CENPH: variants seen among roughly 807,000 people sequenced by gnomAD.
The protein encoded by CENPH is CENP-H.
Under a neutral mutation model 42.9 loss-of-function variants are expected in CENPH, and 40 were observed. That is an observed-to-expected ratio of 0.93 (90% confidence interval 0.72 to 1.21). CENPH has a LOEUF of 1.21. Ranked by LOEUF, CENPH falls within the 50% of genes most tolerant of loss-of-function variation. CENPH has a pLI of 0.00. For synonymous variants in CENPH, 88 were observed against 96.5 expected (o/e 0.91, Z 0.52); for missense variants, 302 against 292.9 (o/e 1.03, Z -0.23).
rs375968623 is a variant in CENPH, at chr5:69,189,646, G to T, written c.12G>T (p.Gln4His). ...CCCCTCAACCAGCAATGGAGGAGCAGCCCCAGATGCAAGACGCCGACGAGC... is the reference window on the plus strand; with the variant it reads ...CCCCTCAACCAGCAATGGAGGAGCATCCCCAGATGCAAGACGCCGACGAGC... MEE[Q>H]PQMQDADEPA... Residue 4 changes from glutamine (Q) to histidine (H), a missense_variant, in exon 1 of 9, where the codon CAG (glutamine) becomes CAT (histidine). Physicochemically the swap from Gln to His is conservative, Grantham distance 24. Coordinates refer to ENST00000283006, the MANE Select transcript of CENPH (RefSeq NM_022909.4). 1.9e-6 allele frequency: 3 copies of T among 1,601,772 alleles called. No individual in the cohort carries two copies. Among genetic ancestry groups the T allele is most frequent in the East Asian group, 2.2e-5 (1 of 44,522 alleles).
intron 8 of CENPH, 37 bp from the exon 9 acceptor site, chr5:69,209,669 AG>A: frequency 1.0e-6 from 1 of 965,956 alleles, no homozygotes; most frequent in Non-Finnish European, 1.6e-6. Context: ...AAATTTTTAA[AG>A]TACTTGTAAC....
intron 8 of CENPH, among the ~76,000 whole-genome samples, chr5:69,209,025 T>C (rs947663402): frequency 2.0e-5 from 3 of 150,654 alleles, no homozygotes; most frequent in African/African-American, 4.9e-5. Flanking sequence ...CGAACTCCGA[T>C]GTCAGGTGAT....
chr5:69,191,961 C>T, intron 2 of CENPH, 111 bp downstream of exon 2: 1 of 600,558 alleles, frequency 1.7e-6, no homozygotes, highest in Non-Finnish European at 2.9e-6. Flanking sequence ...CTCTGGTTTA[C>T]TGCAGCCTCA....
rs147701359 is a variant in CENPH, at chr5:69,208,233, A to C, written c.525A>C (p.Ile175=). ...CTTCAGAAAGTAAGCTTTTAGAAAT[A>C]CAGACTGAAAAGAACAAACAGAAGA... ...KQASESKLLE[I]QTEKNKQKID... The change falls in exon 8 of 9, where the codon ATA becomes ATC. Residue 175 remains isoleucine, a synonymous_variant. Coordinates refer to ENST00000283006, the MANE Select transcript of CENPH (RefSeq NM_022909.4). 1.0e-5 allele frequency: 16 copies of C among 1,586,808 alleles called. No homozygotes were observed. In the Admixed American group the frequency reaches 1.4e-4, roughly 13 times the overall value.
At chr5:69,192,172 T>A (rs1000923316) in intron 2 of CENPH, among the ~76,000 whole-genome samples, 1 of 152,190 alleles carries the variant, frequency 6.6e-6, no homozygotes, top group African/African-American at 2.4e-5. Context: ...TACCAAAAAT[T>A]GTTTATATAT....
chr5:69,202,634 CTG>C, intron 6 of CENPH, 65 bp downstream of exon 6: 1 of 941,750 alleles, frequency 1.1e-6, no homozygotes, highest in Non-Finnish European at 1.7e-6. Flanking sequence ...TTGCTGGTAA[CTG>C]TATTGTATAT....
chr5:69,202,833 C>A, intron 6 of CENPH, 86 bp from the exon 7 acceptor site: 1 of 822,306 alleles, frequency 1.2e-6, no homozygotes, highest in Non-Finnish European at 2.0e-6. Context: ...ATAACTAAGG[C>A]TAGTAGATAA....
intron 5 of CENPH, among the ~76,000 whole-genome samples, chr5:69,200,088 G>A (rs1428763843): frequency 2.0e-5 from 3 of 148,934 alleles, no homozygotes; most frequent in Non-Finnish European, 4.4e-5. Flanking sequence ...ACTCCAGCCT[G>A]GGCAACAGAG....
At chr5:69,197,792 T>G (rs1747987722) in intron 5 of CENPH, among the ~76,000 whole-genome samples, 1 of 148,560 alleles carries the variant, frequency 6.7e-6, no homozygotes, top group Admixed American at 6.7e-5. Context: ...CCTTAAAACT[T>G]AAAGTATAAT....
intron 5 of CENPH, among the ~76,000 whole-genome samples, chr5:69,200,887 A>G (rs1748049774): frequency 1.3e-5 from 2 of 150,208 alleles, no homozygotes; most frequent in Non-Finnish European, 3.0e-5. Context: ...ACAGACACAC[A>G]CCATCACACC....
intron 2 of CENPH, among the ~76,000 whole-genome samples, chr5:69,194,247 C>G (rs1263523396): frequency 6.6e-6 from 1 of 152,076 alleles, no homozygotes; most frequent in Non-Finnish European, 1.5e-5. Flanking sequence ...CAACCCCAAC[C>G]TCGTGGGCTC....
Position 69,209,862 on chromosome 5 carries a change from C to T in CENPH, c.*63C>T. The T allele has an allele frequency of 1.1e-6, 1 of 924,600 alleles. No homozygotes were observed. The highest frequency in any genetic ancestry group is 2.4e-5 in the East Asian group (1 of 41,326). 57.3% of individuals were successfully genotyped at this position (924,600 alleles called of 1,614,324 possible). ...ATCTCAACTCTTATTTGGAATACTTCTGTGCATTTGTCTGTCCACCGTAAT... is the reference window on the plus strand; with the variant it reads ...ATCTCAACTCTTATTTGGAATACTTTTGTGCATTTGTCTGTCCACCGTAAT... On this transcript the variant is annotated 3_prime_UTR_variant, in exon 9 of 9. Transcript: ENST00000283006.
At chr5:69,203,610 C>G (rs1481032018) in intron 7 of CENPH, among the ~76,000 whole-genome samples, 2 of 152,034 alleles carry the variant, frequency 1.3e-5, no homozygotes, top group Non-Finnish European at 2.9e-5. Flanking sequence ...CTCAGATGAT[C>G]CACCTGCCTC....
At chr5:69,200,582 GT>G (rs1748040599) in intron 5 of CENPH, among the ~76,000 whole-genome samples, 1 of 151,938 alleles carries the variant, frequency 6.6e-6, no homozygotes, top group South Asian at 2.1e-4. Context: ...GCTCTCCCAG[GT>G]TTGTGCATAT....
chr5:69,203,185 T>C (rs1043184126), intron 7 of CENPH, among the ~76,000 whole-genome samples: 1 of 152,312 alleles, frequency 6.6e-6, no homozygotes, highest in South Asian at 2.1e-4. Context: ...GTTTGCTTTT[T>C]CTGAGACAGT....
chr5:69,200,719 C>CTTTTTTTTTTT lies in CENPH; in HGVS notation c.372-1763_372-1753dup, dbSNP rs70992906. Among the ~76,000 whole-genome samples the CTTTTTTTTTTT allele has an allele frequency of 3.0e-3, 139 of 46,912 alleles. 31 individuals are homozygous for CTTTTTTTTTTT. The highest frequency in any genetic ancestry group is 4.3e-3 in the South Asian group (4 of 924). The allele number at this position is 46,912 out of a possible 152,430, so 30.8% of individuals were successfully genotyped here. A position where few individuals can be genotyped will look rare whatever the true frequency, so the allele number is the denominator to read the frequency against. ...TCCCAAACTTTCTGAATCAGCGTATCTTTTTTTTTTTTTTTTTTTTTTTTT... is the reference window on the plus strand; with the variant it reads ...TCCCAAACTTTCTGAATCAGCGTATCTTTTTTTTTTTTTTTTTTTTTTTTTTTTTTTTTTTT... On this transcript the variant is annotated intron_variant, in intron 5 of 8. Transcript: ENST00000283006.
chr5:69,198,470 A>G (rs913919718), intron 5 of CENPH, among the ~76,000 whole-genome samples: 3 of 152,066 alleles, frequency 2.0e-5, no homozygotes, highest in African/African-American at 7.2e-5. Context: ...TTGTATTTTT[A>G]GTAGAGACGG....
intron 1 of CENPH, 25 bp downstream of exon 1, chr5:69,189,793 CG>C: frequency 7.0e-7 from 1 of 1,426,804 alleles, no homozygotes. Context: ...CCTCCTCAGC[CG>C]GGGCCAAGTG....
At chr5:69,195,583 G>A (rs17271763) in intron 3 of CENPH, 134 bp from the exon 4 acceptor site, 79,579 of 600,158 alleles carry the variant, frequency 0.13, 5,767 homozygotes, top group African/African-American at 0.21. Flanking sequence ...ATACACATTG[G>A]TATATTGAGC....
Sources: allele counts gnomAD v4.1 joint callset (sites outside exome capture counted in the v4.1 genomes callset), GRCh38; gene constraint gnomAD v4.1.1; transcripts MANE v1.5; gene names NCBI Gene and HGNC (gene_info 2026-07-23, HGNC 2026-07-21).